The following PGPEP1L variants were observed in gnomAD, a reference collection of about 807,000 sequenced individuals.
PGPEP1L encodes the protein pyroglutamyl-peptidase 1-like protein.
A neutral mutation model predicts 6.0 loss-of-function variants in PGPEP1L; 7 were observed. The observed-to-expected ratio is 1.17, with a 90% CI of 0.66 to 2.19. PGPEP1L has a LOEUF of 2.19. PGPEP1L is among the 30% of genes most tolerant of loss of function. The pLI, the probability that PGPEP1L is intolerant of heterozygous loss-of-function variation, is 0.00. For missense variants in PGPEP1L, 209 were observed against 192.5 expected, an observed-to-expected ratio of 1.09 and a Z score of -0.51; for synonymous variants, 103 against 83.9, an observed-to-expected ratio of 1.23 and a Z score of -1.24.
rs530365680 is a variant in PGPEP1L, at chr15:99,001,306, G to A, written c.-142+4123C>T. 2.4e-4 allele frequency: 59 copies of A among 243,284 alleles called. 2 individuals are homozygous for A. The highest frequency in any genetic ancestry group is 2.1e-3 in the South Asian group (56 of 26,516). The allele number at this position is 243,284 out of a possible 1,614,324, so 15.1% of individuals were successfully genotyped here. The stretch of plus-strand genomic sequence containing the variant: ...TAAATGAAAGAAGCCAGAGGCAAAG[G>A]ACCACATGTAAAATGATTCCATTTA... On this transcript the variant is annotated intron_variant, in intron 2 of 4. Transcript: ENST00000535714.
At chr15:98,987,666 C>CT (rs1255807602) in intron 2 of PGPEP1L, among the ~76,000 whole-genome samples, 1 of 152,152 alleles carries the variant, frequency 6.6e-6, no homozygotes, top group Admixed American at 6.6e-5. Context: ...ACCACATACT[C>CT]TACTTCTACT....
At chr15:98,988,525 G>A (rs2017778661) in intron 2 of PGPEP1L, among the ~76,000 whole-genome samples, 1 of 152,192 alleles carries the variant, frequency 6.6e-6, no homozygotes, top group East Asian at 1.9e-4. Flanking sequence ...CATCTCCCTG[G>A]GACAGAGCAC....
chr15:98,998,127 C>A (rs1186928757), intron 2 of PGPEP1L: 1 of 152,668 alleles, frequency 6.6e-6, no homozygotes, highest in South Asian at 2.1e-4. Flanking sequence ...TGCTTCCCAG[C>A]TGGAATTCAC....
chr15:98,975,239 A>T (rs528908314), intron 2 of PGPEP1L, among the ~76,000 whole-genome samples: 1 of 152,340 alleles, frequency 6.6e-6, no homozygotes, highest in East Asian at 1.9e-4. Context: ...CAAACATTAC[A>T]TATTTTCACT....
Position 98,971,422 on chromosome 15 carries a change from AGGT to A in PGPEP1L, c.-141-267_-141-265del, listed in dbSNP as rs562625921. 1.9e-3 allele frequency among the ~76,000 whole-genome samples: 293 copies of A among 152,240 alleles called. 2 individuals are homozygous for A. Among genetic ancestry groups the A allele is most frequent in the African/African-American group, 6.9e-3 (286 of 41,548 alleles). On this transcript the variant is annotated intron_variant, in intron 2 of 4. Transcript: ENST00000535714. The stretch of plus-strand genomic sequence containing the variant: ...GGCAGGAGAATCACTTGAACCTGGG[AGGT>A]GGAGGTTGCAGTGAGCCGAAATAGT...
In PGPEP1L at chr15:98,971,539, A is replaced by T. The variant is rs193164597; in HGVS notation, c.-141-381T>A. 7.5e-4 allele frequency among the ~76,000 whole-genome samples: 115 copies of T among 152,346 alleles called. No homozygotes were observed. In the East Asian group the frequency reaches 0.018, roughly 24 times the overall value. ...AAAATCCAAAGTGTGAAGGAAAAAA[A>T]ACCCACCAACAACAATACTGTACCC... On this transcript the variant is annotated intron_variant, in intron 2 of 4. Coordinates refer to ENST00000535714, the MANE Select transcript of PGPEP1L (RefSeq NM_001167902.2).
At chr15:98,968,776 A>G in intron 4 of PGPEP1L, 79 bp from the exon 5 acceptor site, 1 of 1,320,456 alleles carries the variant, frequency 7.6e-7, no homozygotes. Context: ...GTGGCAATGC[A>G]ACACCCACAA....
chr15:98,981,258 C>G (rs967622648), intron 2 of PGPEP1L, among the ~76,000 whole-genome samples: 17 of 151,878 alleles, frequency 1.1e-4, no homozygotes, highest in Admixed American at 5.9e-4. Flanking sequence ...TTTGGGAGGC[C>G]GAGGCGGGCG....
chr15:98,982,788 G>A (rs1426763186), intron 2 of PGPEP1L, among the ~76,000 whole-genome samples: 4 of 133,048 alleles, frequency 3.0e-5, no homozygotes, highest in African/African-American at 1.1e-4. Flanking sequence ...TTGGCTCACT[G>A]CAACCTCCGC....
chr15:98,999,572 C>T (rs1309019497), intron 2 of PGPEP1L, among the ~76,000 whole-genome samples: 5 of 152,110 alleles, frequency 3.3e-5, no homozygotes, highest in Non-Finnish European at 4.4e-5. Context: ...CACTCCTGGA[C>T]ATTTATCTCA....
chr15:98,981,584 T>C (rs2017664337), intron 2 of PGPEP1L, among the ~76,000 whole-genome samples: 1 of 151,570 alleles, frequency 6.6e-6, no homozygotes, highest in East Asian at 1.9e-4. Flanking sequence ...CTACGGAGAC[T>C]CGAGGACTTA....
At chr15:99,005,245 C>T (rs118030361) in intron 2 of PGPEP1L, among the ~76,000 whole-genome samples, 184 bp downstream of exon 2, 11,231 of 152,198 alleles carry the variant, frequency 0.074, 614 homozygotes, top group Non-Finnish European at 0.12. Flanking sequence ...TGCCTGTGAT[C>T]CTGATTGTTT....
rs564732798 is a variant in PGPEP1L at position 98,997,492 on chromosome 15, T to G, written c.-142+7937A>C. Among the ~76,000 whole-genome samples the G allele has an allele frequency of 2.0e-5, 3 of 152,284 alleles. No individual in the cohort carries two copies. In the South Asian group the frequency reaches 6.2e-4, roughly 32 times the overall value. ...GTGTGTCACCTGAGTGACAGCTGTATGGGGACAGAGAGCAGACAAGTGCCC... is the reference window on the plus strand; with the variant it reads ...GTGTGTCACCTGAGTGACAGCTGTAGGGGGACAGAGAGCAGACAAGTGCCC... On this transcript the variant is annotated intron_variant, in intron 2 of 4. Transcript: ENST00000535714.
chr15:98,977,019 A>C (rs1013456630), intron 2 of PGPEP1L, among the ~76,000 whole-genome samples: 6 of 149,578 alleles, frequency 4.0e-5, no homozygotes, highest in African/African-American at 1.2e-4. Flanking sequence ...AAAAAAAAAA[A>C]AAACAAGTCT....
At chr15:98,972,593 G>C (rs1451030062) in intron 2 of PGPEP1L, among the ~76,000 whole-genome samples, 1 of 151,984 alleles carries the variant, frequency 6.6e-6, no homozygotes, top group East Asian at 1.9e-4. Flanking sequence ...AGTGGGCCGG[G>C]CACAGTGGCT....
chr15:99,001,613 GATAC>G (rs1474228429), intron 2 of PGPEP1L, among the ~76,000 whole-genome samples: 2 of 152,174 alleles, frequency 1.3e-5, no homozygotes, highest in Non-Finnish European at 2.9e-5. Flanking sequence ...ATGGACTATT[GATAC>G]ATACAACCTG....
At chr15:98,995,147 G>T (rs1351463512) in intron 2 of PGPEP1L, among the ~76,000 whole-genome samples, 1 of 151,960 alleles carries the variant, frequency 6.6e-6, no homozygotes, top group Non-Finnish European at 1.5e-5. Flanking sequence ...CATTCTCATT[G>T]TTCTCTCCTT....
rs2018042478 is a variant in PGPEP1L, at chr15:99,005,564, C to G, written c.-277G>C. On this transcript the variant is annotated 5_prime_UTR_variant, in exon 2 of 5. Coordinates refer to ENST00000535714, the MANE Select transcript of PGPEP1L (RefSeq NM_001167902.2). ...GCTCCGGGCACCTTCTCTGCCTGGC[C>G]GCGTGCTCGCCGGGGACCGGGGTGG... is the stretch of plus-strand genomic sequence containing the variant. 6.6e-6 allele frequency: 1 copy of G among 152,310 alleles called. No individual in the cohort carries two copies. The highest frequency in any genetic ancestry group is 1.5e-5 in the Non-Finnish European group (1 of 68,080). 9.4% of individuals were successfully genotyped at this position (152,310 alleles called of 1,614,324 possible).
At chr15:99,002,136 C>T (rs1041773154) in intron 2 of PGPEP1L, among the ~76,000 whole-genome samples, 1 of 152,012 alleles carries the variant, frequency 6.6e-6, no homozygotes, top group Non-Finnish European at 1.5e-5. Flanking sequence ...GTCAGCCTCC[C>T]GAGTAGCTGG....
Sources: allele counts gnomAD v4.1 joint callset (sites outside exome capture counted in the v4.1 genomes callset), GRCh38; gene constraint gnomAD v4.1.1; transcripts MANE v1.5; gene names NCBI Gene and HGNC (gene_info 2026-07-23, HGNC 2026-07-21).